SLC30A8: variants seen among roughly 807,000 people sequenced by gnomAD.
The protein encoded by SLC30A8 is proton-coupled zinc antiporter SLC30A8.
A neutral mutation model predicts 36.9 loss-of-function variants in SLC30A8; 27 were observed. The ratio of observed to expected loss-of-function variants is 0.73; its 90% CI spans 0.54 to 1.01. The LOEUF (loss-of-function observed/expected upper bound fraction) is 1.01, where lower values mean the gene tolerates loss of function less well. Among genes scored for constraint, SLC30A8 ranks in the 50% least tolerant of loss-of-function variants. SLC30A8 has a pLI of 0.00. For synonymous variants in SLC30A8, 164 were observed against 172.4 expected, an observed-to-expected ratio of 0.95 and a Z score of 0.38; for missense variants, 439 against 452.0, an observed-to-expected ratio of 0.97 and a Z score of 0.26.
intron 1 of SLC30A8, among the ~76,000 whole-genome samples, chr8:117,025,530 G>A (rs1816846687): frequency 6.6e-6 from 1 of 152,186 alleles, no homozygotes; most frequent in Non-Finnish European, 1.5e-5. Context: ...TGAACTCCTA[G>A]TGAGTTAGGG....
At chr8:117,069,950 T>C (rs1428423026) in intron 2 of SLC30A8, among the ~76,000 whole-genome samples, 5 of 152,196 alleles carry the variant, frequency 3.3e-5, no homozygotes, top group African/African-American at 1.2e-4. Context: ...ATTAATTACC[T>C]TTTCCTCTCA....
chr8:117,019,550 T>G (rs1168666798), intron 1 of SLC30A8, among the ~76,000 whole-genome samples: 1 of 152,220 alleles, frequency 6.6e-6, no homozygotes, highest in Non-Finnish European at 1.5e-5. Flanking sequence ...AACACACATT[T>G]GTCTTAAACA....
At chr8:117,154,648 A>G (rs1822380883) in intron 3 of SLC30A8, among the ~76,000 whole-genome samples, 1 of 152,180 alleles carries the variant, frequency 6.6e-6, no homozygotes, top group South Asian at 2.1e-4. Context: ...TGATCTGAGA[A>G]TGTTTTTGCT....
At chr8:117,088,451 T>C (rs765304411) in intron 2 of SLC30A8, among the ~76,000 whole-genome samples, 3 of 152,098 alleles carry the variant, frequency 2.0e-5, no homozygotes, top group African/African-American at 4.8e-5. Flanking sequence ...CCATGCACAT[T>C]AATAACCCAA....
chr8:117,065,738 G>A (rs1818148722), intron 2 of SLC30A8, among the ~76,000 whole-genome samples: 1 of 152,084 alleles, frequency 6.6e-6, no homozygotes, highest in Non-Finnish European at 1.5e-5. Context: ...TGCTTCTCCA[G>A]GAATTCTCAA....
At chr8:116,982,499 T>C (rs1815302482) in intron 1 of SLC30A8, among the ~76,000 whole-genome samples, 1 of 152,122 alleles carries the variant, frequency 6.6e-6, no homozygotes, top group Non-Finnish European at 1.5e-5. Flanking sequence ...CTTCTAATAT[T>C]TTACATTACA....
intron 2 of SLC30A8, among the ~76,000 whole-genome samples, chr8:117,049,164 T>A (rs1191994048): frequency 1.3e-5 from 2 of 152,210 alleles, no homozygotes; most frequent in Non-Finnish European, 2.9e-5. Flanking sequence ...TATGCAGGAC[T>A]TTGTGTCCCT....
Position 117,151,593 on chromosome 8 carries a change from G to A in SLC30A8, c.272-1351G>A, listed in dbSNP as rs188193647. ...AAAGCAAGCCCTTTTTCTTTCTCAG[G>A]TGCCTCCTGCCTCAGCTGAGACTGT... On this transcript the variant is annotated intron_variant, in intron 2 of 7. Transcript: ENST00000456015. Among the ~76,000 whole-genome samples, 113 of 152,210 alleles carry A rather than the reference G, an allele frequency of 7.4e-4. 1 individual carries two copies. Among genetic ancestry groups the A allele is most frequent in the African/African-American group, 2.4e-3 (101 of 41,528 alleles).
intron 1 of SLC30A8, among the ~76,000 whole-genome samples, chr8:117,033,513 T>G (rs1179812905): frequency 6.6e-6 from 1 of 152,176 alleles, no homozygotes; most frequent in Non-Finnish European, 1.5e-5. Flanking sequence ...GTGGTTTCCT[T>G]TAGGGGTGAT....
rs200480116 is a variant in SLC30A8 at position 117,066,495 on chromosome 8, A to AT, written c.-226+27246dup. Among the ~76,000 whole-genome samples, 114 of 151,702 alleles carry AT rather than the reference A, an allele frequency of 7.5e-4. 2 individuals are homozygous for AT. In the East Asian group the frequency reaches 0.015, roughly 20 times the overall value. On this transcript the variant is annotated intron_variant, in intron 2 of 10. Transcript: ENST00000427715. ...AACCTCTTCTAGTAACAGAAAAGTG[A>AT]TTTTTTTTTCTCCTGAGGAATCATC...
intron 1 of SLC30A8, among the ~76,000 whole-genome samples, chr8:117,038,306 C>T (rs1279388845): frequency 6.6e-6 from 1 of 152,090 alleles, no homozygotes; most frequent in African/African-American, 2.4e-5. Context: ...TTTTCCAAAA[C>T]ACCAGAGATC....
At position 117,155,632 on chromosome 8, in the gene SLC30A8, A is replaced by G. The variant is rs1030356687; in HGVS notation, c.419-2059A>G. ...GTTGTCTATGAATGAGGTCGGGGAA[A>G]TAATTGCCATACACTGGGTAATAAT... On this transcript the variant is annotated intron_variant, in intron 3 of 7. Coordinates refer to ENST00000456015, the MANE Select transcript of SLC30A8 (RefSeq NM_173851.3). 3.3e-5 allele frequency among the ~76,000 whole-genome samples: 5 copies of G among 152,358 alleles called. 1 individual carries two copies. The highest frequency in any genetic ancestry group is 2.6e-4 in the Admixed American group (4 of 15,302).
rs180733714 is a variant in SLC30A8, at chr8:116,965,945, G to T, written c.-266+14826G>T. On this transcript the variant is annotated intron_variant, in intron 1 of 10. Transcript: ENST00000427715. ...GTTACCCAGGCTGGGGTGCAGTGGCGTGATCTCAGCTCACTGCAACCTCTG... is the reference window on the plus strand; with the variant it reads ...GTTACCCAGGCTGGGGTGCAGTGGCTTGATCTCAGCTCACTGCAACCTCTG... Among the ~76,000 whole-genome samples the T allele has an allele frequency of 3.4e-5, 5 of 148,854 alleles. No homozygotes were observed. In the Admixed American group the frequency reaches 3.4e-4, roughly 10 times the overall value.
chr8:117,100,723 C>A (rs981214761), intron 2 of SLC30A8, among the ~76,000 whole-genome samples: 14 of 152,128 alleles, frequency 9.2e-5, no homozygotes, highest in Admixed American at 8.5e-4. Flanking sequence ...TAGCTAGTTG[C>A]CTGTTTAGAG....
At chr8:117,155,160 A>G (rs115660711) in intron 3 of SLC30A8, among the ~76,000 whole-genome samples, 26 of 152,262 alleles carry the variant, frequency 1.7e-4, no homozygotes, top group African/African-American at 5.8e-4. Flanking sequence ...ACATTTACCA[A>G]TGATCCTCAT....
At chr8:117,035,176 T>C (rs1817174420) in intron 1 of SLC30A8, among the ~76,000 whole-genome samples, 1 of 152,188 alleles carries the variant, frequency 6.6e-6, no homozygotes, top group Admixed American at 6.5e-5. Flanking sequence ...CTTAACTCAT[T>C]TCAGCATTAA....
At chr8:116,990,517 T>C (rs1289952476) in intron 1 of SLC30A8, among the ~76,000 whole-genome samples, 4 of 152,170 alleles carry the variant, frequency 2.6e-5, no homozygotes, top group Non-Finnish European at 5.9e-5. Context: ...TCTAGGAGAA[T>C]TCTACAAAAT....
chr8:117,104,450 C>G (rs1251782336), intron 2 of SLC30A8, among the ~76,000 whole-genome samples: 1 of 152,180 alleles, frequency 6.6e-6, no homozygotes, highest in African/African-American at 2.4e-5. Context: ...TCCCTCATTT[C>G]CATCTGAGAC....
At chr8:117,081,696 A>G (rs564464836) in intron 2 of SLC30A8, among the ~76,000 whole-genome samples, 3 of 152,318 alleles carry the variant, frequency 2.0e-5, no homozygotes, top group Non-Finnish European at 4.4e-5. Flanking sequence ...TACTGCCACA[A>G]GGAAGGAGGA....
Sources: gnomAD v4.1 joint callset for allele counts (sites outside exome capture counted in the v4.1 genomes callset) on GRCh38, gnomAD v4.1.1 for gene constraint, MANE v1.5 for transcripts, NCBI Gene and HGNC (gene_info 2026-07-23, HGNC 2026-07-21) for gene names.